Variants in CAMK2D observed in about 807,000 individuals in gnomAD.
The protein encoded by CAMK2D is calcium/calmodulin dependent protein kinase II delta.
Under a neutral mutation model 84.0 loss-of-function variants are expected in CAMK2D, and 37 were observed. The observed-to-expected ratio is 0.44, with a 90% CI of 0.34 to 0.58. The LOEUF is 0.58. Ranked by LOEUF, CAMK2D falls within the 20% of genes least tolerant of loss-of-function variation. The pLI, the probability that CAMK2D is intolerant of heterozygous loss-of-function variation, is 0.02. For missense variants in CAMK2D, 448 were observed against 652.5 expected (o/e 0.69, Z 3.41); for synonymous variants, 202 against 212.5 (o/e 0.95, Z 0.43).
intron 2 of CAMK2D, among the ~76,000 whole-genome samples, chr4:113,709,745 CGATATATATATA>C (rs968828424): frequency 1.1e-3 from 27 of 24,636 alleles, no homozygotes; most frequent in African/African-American, 6.4e-3. Flanking sequence ...AAGCCGTGAA[CGATATATATATA>C]TATATATATA....
At chr4:113,600,669 G>A (rs189801636) in intron 4 of CAMK2D, among the ~76,000 whole-genome samples, 240 of 152,120 alleles carry the variant, frequency 1.6e-3, no homozygotes, top group African/African-American at 5.2e-3. Flanking sequence ...ACAGGGTCTC[G>A]CTCTGTCAAC....
chr4:113,492,558 C>T (rs907317991), intron 16 of CAMK2D, among the ~76,000 whole-genome samples: 3 of 151,926 alleles, frequency 2.0e-5, no homozygotes, highest in Non-Finnish European at 4.4e-5. Flanking sequence ...AGCTTCACTT[C>T]CAACTATGTG....
intron 16 of CAMK2D, among the ~76,000 whole-genome samples, chr4:113,479,435 T>A (rs908596342): frequency 1.3e-5 from 2 of 152,180 alleles, no homozygotes; most frequent in African/African-American, 4.8e-5. Context: ...GTTTAATAAG[T>A]ACAAAATATG....
chr4:113,669,494 T>C (rs935839599), intron 2 of CAMK2D, among the ~76,000 whole-genome samples: 1 of 152,126 alleles, frequency 6.6e-6, no homozygotes, highest in African/African-American at 2.4e-5. Context: ...TAGTATTGAA[T>C]GGAGACTGTT....
intron 2 of CAMK2D, among the ~76,000 whole-genome samples, chr4:113,744,673 T>G (rs558248113): frequency 2.6e-5 from 4 of 152,176 alleles, no homozygotes; most frequent in South Asian, 2.1e-4. Context: ...TTGATTATCA[T>G]AGCCGCAAAA....
intron 2 of CAMK2D, among the ~76,000 whole-genome samples, chr4:113,737,880 G>C (rs897450700): frequency 3.9e-5 from 6 of 152,060 alleles, no homozygotes; most frequent in African/African-American, 1.4e-4. Flanking sequence ...CATTGGGAAA[G>C]AGTGAAGAGC....
chr4:113,518,458 A>G (rs2098314368), intron 8 of CAMK2D, among the ~76,000 whole-genome samples: 1 of 152,198 alleles, frequency 6.6e-6, no homozygotes, highest in South Asian at 2.1e-4. Context: ...CCCTGAAATC[A>G]TATCTGCAGT....
At chr4:113,742,799 A>G (rs745827153) in intron 2 of CAMK2D, among the ~76,000 whole-genome samples, 3 of 152,238 alleles carry the variant, frequency 2.0e-5, no homozygotes, top group Non-Finnish European at 2.9e-5. Context: ...GCCATATTCA[A>G]CTTTGGTAAT....
At chr4:113,489,007 T>C (rs1002020705) in intron 16 of CAMK2D, among the ~76,000 whole-genome samples, 7 of 152,030 alleles carry the variant, frequency 4.6e-5, no homozygotes, top group East Asian at 1.9e-4. Flanking sequence ...AGAAGAAATA[T>C]ATAAAAATAG....
rs1322335929 is a variant in CAMK2D, at chr4:113,671,549, G to T, written c.161-9777C>A. On this transcript the variant is annotated intron_variant, in intron 2 of 20. Transcript: ENST00000511664. ...CCTCCATCGCACTTCTCTTTGTGTTGGGCGACACTGGAGCAAGCATGAACA... is the reference window on the plus strand; with the variant it reads ...CCTCCATCGCACTTCTCTTTGTGTTTGGCGACACTGGAGCAAGCATGAACA... 1.3e-5 allele frequency among the ~76,000 whole-genome samples: 2 copies of T among 152,066 alleles called. 1 individual carries two copies. The highest frequency in any genetic ancestry group is 1.3e-4 in the Admixed American group (2 of 15,272).
intron 4 of CAMK2D, among the ~76,000 whole-genome samples, chr4:113,571,749 C>T (rs2098754583): frequency 1.3e-5 from 2 of 152,156 alleles, no homozygotes; most frequent in Admixed American, 1.3e-4. Context: ...GTGGTAAGCA[C>T]CTGTAATCCC....
chr4:113,563,344 C>T (rs2098707453), intron 4 of CAMK2D, among the ~76,000 whole-genome samples: 2 of 152,168 alleles, frequency 1.3e-5, no homozygotes, highest in Admixed American at 1.3e-4. Context: ...TGTTAAGTTA[C>T]TACAATGCAA....
At chr4:113,458,261 C>T (rs528331587) in intron 18 of CAMK2D, among the ~76,000 whole-genome samples, 43 of 152,298 alleles carry the variant, frequency 2.8e-4, no homozygotes, top group South Asian at 1.5e-3. Flanking sequence ...CACTATGCTC[C>T]AGCCTCTGGT....
At chr4:113,463,924 AAAAATTTAT>A (rs2097424277) in intron 17 of CAMK2D, among the ~76,000 whole-genome samples, 2 of 152,294 alleles carry the variant, frequency 1.3e-5, no homozygotes, top group African/African-American at 4.8e-5. Flanking sequence ...GTTTTACATA[AAAAATTTAT>A]ACTTGTTAAA....
chr4:113,515,312 ATAAGT>A (rs754553628), intron 9 of CAMK2D, 121 bp from the exon 10 acceptor site: 45 of 627,348 alleles, frequency 7.2e-5, no homozygotes, highest in East Asian at 4.8e-4. Context: ...TACTTTTTAT[ATAAGT>A]TAAGTTGTAT....
intron 2 of CAMK2D, among the ~76,000 whole-genome samples, chr4:113,674,498 C>T (rs149244923): frequency 6.6e-6 from 1 of 152,154 alleles, no homozygotes; most frequent in East Asian, 1.9e-4. Flanking sequence ...GGCTTGATGC[C>T]CACAGTTTAC....
At chr4:113,729,668 GTGTC>G (rs1343732724) in intron 2 of CAMK2D, among the ~76,000 whole-genome samples, 2 of 152,106 alleles carry the variant, frequency 1.3e-5, no homozygotes, top group African/African-American at 2.4e-5. Flanking sequence ...CTGAAAGTCT[GTGTC>G]CCCTCAAAAT....
chr4:113,517,581 G>T lies in CAMK2D; in HGVS notation c.678C>A (p.Ile226=), dbSNP rs2098301095. ...DEDQHRLYQQ[I]KAGAYDFPSP... ...TACATACATCATAAGCTCCAGCCTT[G>T]ATCTGCTGATAGAGTCTGTGTTGGT... The change falls in exon 9 of 21, where the codon ATC becomes ATA. Residue 226 remains isoleucine (I), a synonymous_variant. Transcript: ENST00000511664. 1 of 1,564,112 alleles carries T rather than the reference G, an allele frequency of 6.4e-7. No homozygotes were observed.
intron 13 of CAMK2D, among the ~76,000 whole-genome samples, chr4:113,507,251 CTTTT>C (rs35488611): frequency 6.9e-6 from 1 of 145,482 alleles, no homozygotes; most frequent in South Asian, 2.2e-4. Context: ...CCACAAATGT[CTTTT>C]TTTTTTTTCT....
Sources: gnomAD v4.1 joint callset for allele counts (sites outside exome capture counted in the v4.1 genomes callset) on GRCh38, gnomAD v4.1.1 for gene constraint, MANE v1.5 for transcripts, NCBI Gene and HGNC (gene_info 2026-07-23, HGNC 2026-07-21) for gene names.